EAPP: variants seen among roughly 807,000 people sequenced by gnomAD.
EAPP encodes E2F-associated phosphoprotein.
A neutral mutation model predicts 34.3 loss-of-function variants in EAPP; 38 were observed. The ratio of observed to expected loss-of-function variants is 1.11; its 90% CI spans 0.85 to 1.45. EAPP has a LOEUF of 1.45. EAPP is among the 40% of genes most tolerant of loss of function. EAPP has a pLI of 0.00. For synonymous variants in EAPP, 113 were observed against 117.6 expected (o/e 0.96, Z 0.25); for missense variants, 338 against 343.7 (o/e 0.98, Z 0.13).
intron 4 of EAPP, among the ~76,000 whole-genome samples, chr14:34,526,374 G>C (rs1005561763): frequency 6.6e-6 from 1 of 151,844 alleles, no homozygotes; most frequent in Admixed American, 6.6e-5. Context: ...GTCACAGTGA[G>C]CCGAAATTGC....
intron 4 of EAPP, among the ~76,000 whole-genome samples, chr14:34,526,783 G>A (rs1295431467): frequency 2.6e-5 from 4 of 151,038 alleles, no homozygotes; most frequent in South Asian, 2.1e-4. Flanking sequence ...GAGGCAGGGG[G>A]ATCATTTGAG....
chr14:34,518,453 G>T (rs896519140), intron 5 of EAPP, among the ~76,000 whole-genome samples: 34 of 144,064 alleles, frequency 2.4e-4, no homozygotes, highest in African/African-American at 8.9e-4. Context: ...TCCCACCTCA[G>T]CCTCCTGAGT....
At chr14:34,517,310 G>A (rs576714798) in intron 5 of EAPP, among the ~76,000 whole-genome samples, 7 of 147,356 alleles carry the variant, frequency 4.8e-5, no homozygotes, top group Admixed American at 1.4e-4. Context: ...GTGCAATGGC[G>A]TGATCTCAGC....
At chr14:34,530,426 C>G (rs1382376891) in intron 3 of EAPP, among the ~76,000 whole-genome samples, 3 of 152,088 alleles carry the variant, frequency 2.0e-5, no homozygotes, top group Non-Finnish European at 1.5e-5. Flanking sequence ...ACTAGGGAAG[C>G]TGAGCTGGGA....
intron 5 of EAPP, among the ~76,000 whole-genome samples, chr14:34,522,239 T>C (rs1879941943): frequency 1.3e-5 from 2 of 152,048 alleles, no homozygotes; most frequent in East Asian, 1.9e-4. Context: ...GGATTACAGG[T>C]ATGAGCCACT....
chr14:34,516,351 C>T lies in EAPP; in HGVS notation c.817G>A (p.Glu273Lys), dbSNP rs1879717629. The T allele has an allele frequency of 1.9e-6, 3 of 1,613,540 alleles. No individual in the cohort carries two copies. The highest frequency in any genetic ancestry group is 2.5e-6 in the Non-Finnish European group (3 of 1,179,790). The change falls in exon 6 of 6, where the codon GAA becomes AAA. Residue 273 changes from glutamate (E) to lysine (K), a missense_variant. By Grantham distance (56) the Glu-to-Lys change is moderately conservative. Transcript: ENST00000250454. The part of the protein sequence containing the change: ...STEVAVYDKD[E>K]VFHFFNVLAS... ...AAAACATTGAAAAAATGAAAGACTT[C>T]ATCCTTGTCGTAGACTGCCACTTCA...
At position 34,518,437 on chromosome 14, in the gene EAPP, T is replaced by G. The variant is rs1442848885; in HGVS notation, c.582-1851A>C. On this transcript the variant is annotated intron_variant, in intron 5 of 5. Coordinates refer to ENST00000250454, the MANE Select transcript of EAPP (RefSeq NM_018453.4). ...GCAACCTTCACCTCCCAGCTTCAAGTGATTCTCCCACCTCAGCCTCCTGAG... is the reference window on the plus strand; with the variant it reads ...GCAACCTTCACCTCCCAGCTTCAAGGGATTCTCCCACCTCAGCCTCCTGAG... 2.1e-5 allele frequency among the ~76,000 whole-genome samples: 3 copies of G among 144,508 alleles called. No homozygotes were observed. The East Asian group carries it at 6.6e-4, about 32-fold the overall frequency. 94.8% of individuals were successfully genotyped at this position (144,508 alleles called of 152,430 possible). A position where few individuals can be genotyped will look rare whatever the true frequency, so the allele number is the denominator to read the frequency against.
At chr14:34,531,715 T>G (rs780786799) in intron 3 of EAPP, among the ~76,000 whole-genome samples, 3 of 152,204 alleles carry the variant, frequency 2.0e-5, no homozygotes, top group Non-Finnish European at 2.9e-5. Context: ...TTTGAATATT[T>G]CATTGTAATT....
intron 3 of EAPP, among the ~76,000 whole-genome samples, chr14:34,533,133 C>T (rs930366633): frequency 1.3e-5 from 2 of 152,206 alleles, no homozygotes; most frequent in African/African-American, 4.8e-5. Flanking sequence ...CTCCTGGGTT[C>T]AACTGATTCT....
chr14:34,530,214 T>TAAAAAAAAAAAA, intron 3 of EAPP, among the ~76,000 whole-genome samples: 1 of 150,436 alleles, frequency 6.6e-6, no homozygotes, highest in African/African-American at 2.4e-5. Context: ...AAAAAAAAGT[T>TAAAAAAAAAAAA]AAAAAAAACC....
At chr14:34,527,495 C>G (rs1160091385) in intron 4 of EAPP, among the ~76,000 whole-genome samples, 1 of 152,174 alleles carries the variant, frequency 6.6e-6, no homozygotes, top group South Asian at 2.1e-4. Context: ...CACCACTGCA[C>G]TCCAGCCCAG....
At chr14:34,527,947 C>G (rs1465102056) in intron 4 of EAPP, among the ~76,000 whole-genome samples, 1 of 151,860 alleles carries the variant, frequency 6.6e-6, no homozygotes, top group Non-Finnish European at 1.5e-5. Flanking sequence ...AAAGTGGGTA[C>G]TTTTGTTATG....
At chr14:34,536,043 T>C in intron 2 of EAPP, 51 bp downstream of exon 2, 2 of 1,377,662 alleles carry the variant, frequency 1.5e-6, no homozygotes, top group Admixed American at 2.1e-5. Context: ...ATAAGGTTCC[T>C]GCCCTTACAG....
intron 2 of EAPP, among the ~76,000 whole-genome samples, chr14:34,533,906 G>T (rs1476164528): frequency 6.6e-6 from 1 of 152,106 alleles, no homozygotes; most frequent in Non-Finnish European, 1.5e-5. Context: ...GAGAAAAAGG[G>T]TAAGAACCCT....
At chr14:34,533,618 C>A in intron 2 of EAPP, 79 bp from the exon 3 acceptor site, 2 of 868,210 alleles carry the variant, frequency 2.3e-6, no homozygotes, top group Non-Finnish European at 3.6e-6. Flanking sequence ...ATTCTTCCAT[C>A]ACCTCAAAAC....
At chr14:34,529,543 G>C in intron 3 of EAPP, 68 bp from the exon 4 acceptor site, 1 of 1,130,610 alleles carries the variant, frequency 8.8e-7, no homozygotes, top group South Asian at 1.3e-5. Flanking sequence ...TAAATGAAGA[G>C]TCTCATTTCC....
intron 3 of EAPP, among the ~76,000 whole-genome samples, chr14:34,532,562 A>C (rs1332997195): frequency 6.6e-6 from 1 of 151,986 alleles, no homozygotes; most frequent in African/African-American, 2.4e-5. Flanking sequence ...AAGAGGGGGG[A>C]AAAGCCCTGA....
At chr14:34,535,915 AC>A in intron 2 of EAPP, 178 bp downstream of exon 2, 1 of 524,196 alleles carries the variant, frequency 1.9e-6, no homozygotes, top group Non-Finnish European at 3.3e-6. Flanking sequence ...TAAATAAATA[AC>A]TTTTTTAAAT....
At chr14:34,536,796 C>T (rs1380707312) in intron 1 of EAPP, among the ~76,000 whole-genome samples, 1 of 152,060 alleles carries the variant, frequency 6.6e-6, no homozygotes, top group African/African-American at 2.4e-5. Context: ...TCACCGCAAC[C>T]TCCACCTCCT....
Sources: gnomAD v4.1 joint callset for allele counts (sites outside exome capture counted in the v4.1 genomes callset) on GRCh38, gnomAD v4.1.1 for gene constraint, MANE v1.5 for transcripts, NCBI Gene and HGNC (gene_info 2026-07-23, HGNC 2026-07-21) for gene names.